The following TRIM67 variants were observed in gnomAD, a reference collection of about 807,000 sequenced individuals.
The protein encoded by TRIM67 is tripartite motif-containing protein 67.
In TRIM67, 39 loss-of-function variants were observed where a neutral mutation model predicts 71.0. That is an observed-to-expected ratio of 0.55 (90% confidence interval 0.43 to 0.72). TRIM67 has a LOEUF of 0.72. Among genes scored for constraint, TRIM67 ranks in the 30% least tolerant of loss-of-function variants. The pLI, the probability that TRIM67 is intolerant of heterozygous loss-of-function variation, is 0.00. For synonymous variants in TRIM67, 481 were observed against 473.9 expected, an observed-to-expected ratio of 1.01 and a Z score of -0.19; for missense variants, 973 against 1,079.2, an observed-to-expected ratio of 0.90 and a Z score of 1.38.
chr1:231,219,759 T>C lies in TRIM67; in HGVS notation c.*4319T>C. 1 of 1,203,572 alleles carries C rather than the reference T, an allele frequency of 8.3e-7. No individual in the cohort carries two copies. The highest frequency in any genetic ancestry group is 1.6e-5 in the African/African-American group (1 of 62,818). The allele number at this position is 1,203,572 out of a possible 1,614,324, so 74.6% of individuals were successfully genotyped here. Reference sequence around the variant, plus strand: ...TATTCAAGATGGTGATGCTGGAAAATTTCAGGACTTTTCTTTTGCAAGTGA... The same window carrying C: ...TATTCAAGATGGTGATGCTGGAAAACTTCAGGACTTTTCTTTTGCAAGTGA... On this transcript the variant is annotated 3_prime_UTR_variant, in exon 10 of 10. Coordinates refer to ENST00000366653, the MANE Select transcript of TRIM67 (RefSeq NM_001004342.5).
intron 5 of TRIM67, among the ~76,000 whole-genome samples, chr1:231,202,211 GGAGGAGGAGGAGGTAGTAGGA>G (rs1683566789): frequency 1.3e-5 from 2 of 152,066 alleles, no homozygotes; most frequent in African/African-American, 4.8e-5. Flanking sequence ...CTGAGATAGT[GGAGGAGGAGGAGGTAGTAGGA>G]GAGGAGGGGG....
At chr1:231,167,344 A>C (rs1682500036) in intron 1 of TRIM67, among the ~76,000 whole-genome samples, 1 of 15,646 alleles carries the variant, frequency 6.4e-5, no homozygotes, top group African/African-American at 5.6e-4. Flanking sequence ...TTTTTTTGAG[A>C]CGGAGTCTCG....
In TRIM67 at chr1:231,164,033, G is replaced by T; in HGVS notation, c.1044+20G>T. The T allele has an allele frequency of 6.8e-7, 1 of 1,477,444 alleles. No individual in the cohort carries two copies. Among genetic ancestry groups the T allele is most frequent in the African/African-American group, 1.4e-5 (1 of 70,776 alleles). The allele number at this position is 1,477,444 out of a possible 1,614,324, so 91.5% of individuals were successfully genotyped here. ...CACAAGGTGAGCCCGCGGGACGCGG[G>T]AGTGCAGGTGCCAGGGAAGAGGGTA... On this transcript the variant is annotated intron_variant, in intron 1 of 9. Coordinates refer to ENST00000366653, the MANE Select transcript of TRIM67 (RefSeq NM_001004342.5).
At chr1:231,213,604 G>A (rs1025401323) in intron 8 of TRIM67, among the ~76,000 whole-genome samples, 9 of 151,988 alleles carry the variant, frequency 5.9e-5, no homozygotes, top group African/African-American at 1.7e-4. Flanking sequence ...CATGTCATGC[G>A]CCTGTAGTCC....
chr1:231,169,854 C>CCAT, intron 1 of TRIM67, among the ~76,000 whole-genome samples: 1 of 152,324 alleles, frequency 6.6e-6, no homozygotes, highest in South Asian at 2.1e-4. Context: ...CAGCACTTCA[C>CCAT]ACCATCTCTG....
rs113972574 is a variant in TRIM67 at position 231,213,050 on chromosome 1, T to A, written c.2124-765T>A. On this transcript the variant is annotated intron_variant, in intron 8 of 9. Transcript: ENST00000366653. ...TGTTTCTGGGAAGATGAGCCAATGT[T>A]GAGTAGGGGCCTTTCAAAATTTCCT... 2.1e-3 allele frequency among the ~76,000 whole-genome samples: 326 copies of A among 152,264 alleles called. 1 individual carries two copies. Among genetic ancestry groups the A allele is most frequent in the African/African-American group, 7.5e-3 (313 of 41,562 alleles).
At chr1:231,200,967 A>G (rs1374676327) in intron 4 of TRIM67, among the ~76,000 whole-genome samples, 1 of 152,112 alleles carries the variant, frequency 6.6e-6, no homozygotes, top group Non-Finnish European at 1.5e-5. Flanking sequence ...GGGGTGTGGA[A>G]TATGCTTTCT....
chr1:231,215,285 G>A lies in TRIM67; in HGVS notation c.2287-90G>A, dbSNP rs559606347. ...CATGGATGGCCCTGGAGCCAGCAGG[G>A]GATCCTGCCGGTGTCTGCGGTGCTG... On this transcript the variant is annotated intron_variant, in intron 9 of 9. Transcript: ENST00000366653. 4 of 1,510,080 alleles carry A rather than the reference G, an allele frequency of 2.6e-6. No homozygotes were observed. The African/African-American group carries it at 5.5e-5, about 21-fold the overall frequency. The allele number at this position is 1,510,080 out of a possible 1,614,324, so 93.5% of individuals were successfully genotyped here. A position where few individuals can be genotyped will look rare whatever the true frequency, so the allele number is the denominator to read the frequency against.
chr1:231,168,422 AT>A (rs532451050), intron 1 of TRIM67, among the ~76,000 whole-genome samples: 27 of 152,192 alleles, frequency 1.8e-4, no homozygotes, highest in Non-Finnish European at 3.2e-4. Context: ...TACACTTTTA[AT>A]TATCTCCTCA....
chr1:231,170,201 G>C (rs1427550628), intron 1 of TRIM67, among the ~76,000 whole-genome samples: 1 of 151,992 alleles, frequency 6.6e-6, no homozygotes, highest in African/African-American at 2.4e-5. Context: ...GGTCAAGCTG[G>C]TCTCAAACTC....
intron 6 of TRIM67, among the ~76,000 whole-genome samples, chr1:231,205,858 G>A (rs562158270): frequency 4.6e-5 from 7 of 152,336 alleles, no homozygotes; most frequent in Non-Finnish European, 1.0e-4. Context: ...CTCAGGTGTG[G>A]GAGGAGACAA....
In TRIM67 at chr1:231,162,246, A is replaced by C. The variant is rs6657196; in HGVS notation, c.-724A>C. On this transcript the variant is annotated 5_prime_UTR_variant, in exon 1 of 10. Coordinates refer to ENST00000366653, the MANE Select transcript of TRIM67 (RefSeq NM_001004342.5). ...GCGGGTCAATCCCGGCCGCAGGGAG[A>C]AAGCCCCAGGGCGCAGTCAGCCGGC... 1 of 152,324 alleles carries C rather than the reference A, an allele frequency of 6.6e-6. No homozygotes were observed. Among genetic ancestry groups the C allele is most frequent in the Non-Finnish European group, 1.5e-5 (1 of 68,166 alleles). The allele number at this position is 152,324 out of a possible 1,614,324, so 9.4% of individuals were successfully genotyped here.
At chr1:231,166,530 A>G (rs1026547871) in intron 1 of TRIM67, among the ~76,000 whole-genome samples, 1 of 118,556 alleles carries the variant, frequency 8.4e-6, no homozygotes, top group Non-Finnish European at 1.7e-5. Context: ...TCAGTAAAAC[A>G]TGAAGTCTCT....
intron 8 of TRIM67, among the ~76,000 whole-genome samples, chr1:231,211,688 T>C (rs1381324829): frequency 6.6e-6 from 1 of 152,182 alleles, no homozygotes; most frequent in Admixed American, 6.5e-5. Context: ...CCCTCTGCCC[T>C]ACCAGCAGCG....
Position 231,218,048 on chromosome 1 carries a change from C to T in TRIM67, c.*2608C>T. On this transcript the variant is annotated 3_prime_UTR_variant, in exon 10 of 10. Coordinates refer to ENST00000366653, the MANE Select transcript of TRIM67 (RefSeq NM_001004342.5). ...CAGCTCTCCTTCACAGACACCTCTC[C>T]TGTCTTCAGCACAAAACACCTTCAA... is the stretch of plus-strand genomic sequence containing the variant. 8.6e-7 allele frequency: 1 copy of T among 1,162,584 alleles called. No individual in the cohort carries two copies. Among genetic ancestry groups the T allele is most frequent in the Non-Finnish European group, 1.1e-6 (1 of 925,686 alleles). 72.0% of individuals were successfully genotyped at this position (1,162,584 alleles called of 1,614,324 possible).
chr1:231,211,649 T>G (rs936521046), intron 8 of TRIM67, among the ~76,000 whole-genome samples: 1 of 152,186 alleles, frequency 6.6e-6, no homozygotes. Flanking sequence ...CCTCGGGACT[T>G]CCTGTCGTGA....
At chr1:231,169,368 C>CTTTTTTTTTTT (rs775082418) in intron 1 of TRIM67, among the ~76,000 whole-genome samples, 2 of 81,664 alleles carry the variant, frequency 2.4e-5, no homozygotes, top group African/African-American at 4.7e-5. Context: ...ATTCTTTTCT[C>CTTTTTTTTTTT]TTTTTTTTTT....
intron 1 of TRIM67, among the ~76,000 whole-genome samples, chr1:231,178,771 T>C (rs1381868570): frequency 1.3e-5 from 2 of 152,232 alleles, no homozygotes; most frequent in Non-Finnish European, 2.9e-5. Flanking sequence ...ACTATACGTC[T>C]TTGGATATGT....
intron 4 of TRIM67, 107 bp from the exon 5 acceptor site, chr1:231,201,251 T>C: frequency 8.0e-7 from 1 of 1,245,284 alleles, no homozygotes; most frequent in Non-Finnish European, 1.1e-6. Context: ...ACAACCCTTT[T>C]CTGTCTCTGA....
Sources: gnomAD v4.1 joint callset for allele counts (sites outside exome capture counted in the v4.1 genomes callset) on GRCh38, gnomAD v4.1.1 for gene constraint, MANE v1.5 for transcripts, NCBI Gene and HGNC (gene_info 2026-07-23, HGNC 2026-07-21) for gene names.